PSME4: variants seen among roughly 807,000 people sequenced by gnomAD.
PSME4 encodes proteasome activator complex subunit 4.
Under a neutral mutation model 253.9 loss-of-function variants are expected in PSME4, and 89 were observed. The ratio of observed to expected loss-of-function variants is 0.35; its 90% CI spans 0.30 to 0.42. The LOEUF (loss-of-function observed/expected upper bound fraction) is 0.42, where lower values mean the gene tolerates loss of function less well. PSME4 is among the 10% of genes least tolerant of loss of function. PSME4 has a pLI of 1.00. For synonymous variants in PSME4, 851 were observed against 759.2 expected (o/e 1.12, Z -1.99); for missense variants, 2,014 against 2,195.2 (o/e 0.92, Z 1.65).
Position 53,925,995 on chromosome 2 carries a change from G to C in PSME4, c.1622C>G (p.Ala541Gly). The C allele has an allele frequency of 6.2e-7, 1 of 1,613,540 alleles. No individual in the cohort carries two copies. The highest frequency in any genetic ancestry group is 8.5e-7 in the Non-Finnish European group (1 of 1,179,466). ...CTGTAAGACGAAATCCTCAAATTCA[G>C]CTGTGGCTGAACAAAGTTCTCGTTC... The part of the protein sequence containing the change: ...EVERELCSAT[A>G]EFEDFVLQFM... Residue 541 changes from alanine to glycine, a missense_variant, in exon 13 of 47, where the codon GCT becomes GGT. Physicochemically the swap from Ala to Gly is moderately conservative, Grantham distance 60. Transcript: ENST00000404125.
At chr2:53,913,826 GA>G (rs1667940082) in intron 20 of PSME4, among the ~76,000 whole-genome samples, 3 of 152,156 alleles carry the variant, frequency 2.0e-5, no homozygotes. Context: ...AAAAATAAAT[GA>G]AAACAGTCAG....
intron 3 of PSME4, 82 bp downstream of exon 3, chr2:53,948,339 A>T: frequency 1.2e-6 from 1 of 836,118 alleles, no homozygotes; most frequent in Non-Finnish European, 2.0e-6. Flanking sequence ...TCTTTCAAAC[A>T]ACTCAATATT....
chr2:53,868,988 A>T (rs776363724), intron 44 of PSME4, among the ~76,000 whole-genome samples: 2 of 152,118 alleles, frequency 1.3e-5, no homozygotes, highest in African/African-American at 4.8e-5. Context: ...CCCCTCTCCA[A>T]ATAAAAAACA....
At chr2:53,946,667 G>T (rs956847779) in intron 3 of PSME4, among the ~76,000 whole-genome samples, 19 of 152,198 alleles carry the variant, frequency 1.2e-4, no homozygotes, top group African/African-American at 4.3e-4. Flanking sequence ...AGGCCAAGGC[G>T]GGAGGATCAC....
At chr2:53,915,697 T>C (rs892506637) in intron 20 of PSME4, among the ~76,000 whole-genome samples, 11 of 151,980 alleles carry the variant, frequency 7.2e-5, no homozygotes, top group African/African-American at 2.4e-4. Flanking sequence ...GCAATCTTAA[T>C]ACTAAGTAAT....
At chr2:53,874,560 G>T in intron 42 of PSME4, 66 bp from the exon 43 acceptor site, 1 of 1,389,620 alleles carries the variant, frequency 7.2e-7, no homozygotes, top group Non-Finnish European at 1.0e-6. Flanking sequence ...GACAGATAGT[G>T]ACATTACACA....
At position 53,920,043 on chromosome 2, in the gene PSME4, CA is replaced by C. The variant is rs199961689; in HGVS notation, c.2420+149del. The stretch of plus-strand genomic sequence containing the variant: ...AAATGTTGTTAAATTTTCTGTTATA[CA>C]ACATTATATTAAATGATTTTCTAAG... On this transcript the variant is annotated intron_variant, in intron 19 of 46. Coordinates refer to ENST00000404125, the MANE Select transcript of PSME4 (RefSeq NM_014614.3). The C allele has an allele frequency of 1.9e-3, 1,339 of 722,028 alleles. 14 individuals carry two copies. Among genetic ancestry groups the C allele is most frequent in the East Asian group, 3.3e-3 (116 of 35,098 alleles). 44.7% of individuals were successfully genotyped at this position (722,028 alleles called of 1,614,324 possible).
rs572912840 is a variant in PSME4, at chr2:53,873,113, G to A, written c.5100+1226C>T. 3.5e-3 allele frequency among the ~76,000 whole-genome samples: 534 copies of A among 151,850 alleles called. 1 individual carries two copies. The highest frequency in any genetic ancestry group is 6.8e-3 in the Middle Eastern group (2 of 294). ...AAATTAGCCAGGCATGGTGGCGGGC[G>A]CCTGTGGTCCCAGCTACTTGGGATG... On this transcript the variant is annotated intron_variant, in intron 43 of 46. Coordinates refer to ENST00000404125, the MANE Select transcript of PSME4 (RefSeq NM_014614.3).
At chr2:53,933,329 A>G (rs1668937755) in intron 8 of PSME4, among the ~76,000 whole-genome samples, 1 of 145,432 alleles carries the variant, frequency 6.9e-6, no homozygotes, top group Non-Finnish European at 1.5e-5. Context: ...AGTGAGCTGA[A>G]ATCACGCTAC....
intron 1 of PSME4, among the ~76,000 whole-genome samples, chr2:53,951,442 C>T (rs1472434819): frequency 6.6e-6 from 1 of 152,200 alleles, no homozygotes; most frequent in Non-Finnish European, 1.5e-5. Context: ...AGAAATTCTT[C>T]AAAATTCTTG....
intron 10 of PSME4, 46 bp from the exon 11 acceptor site, chr2:53,928,349 CATA>C: frequency 7.5e-7 from 1 of 1,337,888 alleles, no homozygotes; most frequent in Non-Finnish European, 1.0e-6. Flanking sequence ...CACAGATATG[CATA>C]ATACCATAAT....
At chr2:53,927,316 A>T in intron 12 of PSME4, 78 bp downstream of exon 12, 4 of 1,065,088 alleles carry the variant, frequency 3.8e-6, no homozygotes, top group Non-Finnish European at 5.7e-6. Flanking sequence ...AGTCGTTTCT[A>T]AACTGTCAAG....
chr2:53,965,947 C>A (rs1670713766), intron 1 of PSME4, among the ~76,000 whole-genome samples: 1 of 152,156 alleles, frequency 6.6e-6, no homozygotes, highest in South Asian at 2.1e-4. Flanking sequence ...ACTGGGATTA[C>A]AGGCGTGAGC....
intron 20 of PSME4, among the ~76,000 whole-genome samples, chr2:53,913,551 C>T (rs1275087414): frequency 1.3e-5 from 2 of 152,032 alleles, no homozygotes; most frequent in African/African-American, 4.8e-5. Flanking sequence ...TAAAAATAAA[C>T]ATAAAAGATG....
At chr2:53,914,215 T>C (rs1667955901) in intron 20 of PSME4, among the ~76,000 whole-genome samples, 2 of 152,298 alleles carry the variant, frequency 1.3e-5, no homozygotes, top group East Asian at 3.9e-4. Context: ...CATCCTGTGA[T>C]AGCTGGTTAG....
chr2:53,938,679 T>C lies in PSME4; in HGVS notation c.546-1139A>G, dbSNP rs188715611. Among the ~76,000 whole-genome samples the C allele has an allele frequency of 2.9e-3, 436 of 152,292 alleles. 1 individual carries two copies. Among genetic ancestry groups the C allele is most frequent in the Non-Finnish European group, 4.5e-3 (304 of 68,028 alleles). On this transcript the variant is annotated intron_variant, in intron 4 of 46. Transcript: ENST00000404125. ...TTTCCAAATAAGTTGGGAAACTCTT[T>C]CAAATAGACTTATAGGCTTGGCCCA...
At chr2:53,871,199 T>C (rs1233225084) in intron 43 of PSME4, among the ~76,000 whole-genome samples, 3 of 152,156 alleles carry the variant, frequency 2.0e-5, no homozygotes, top group Non-Finnish European at 4.4e-5. Flanking sequence ...TGCATTTTCC[T>C]GGTCATTGGG....
intron 1 of PSME4, among the ~76,000 whole-genome samples, chr2:53,955,025 G>A (rs1670168439): frequency 1.3e-5 from 2 of 151,614 alleles, no homozygotes; most frequent in African/African-American, 4.8e-5. Flanking sequence ...AAAAAAAATC[G>A]CCAGGTGTGA....
intron 20 of PSME4, among the ~76,000 whole-genome samples, chr2:53,918,094 T>C (rs1414367954): frequency 6.6e-6 from 1 of 152,190 alleles, no homozygotes; most frequent in Non-Finnish European, 1.5e-5. Flanking sequence ...GGGAAAGACA[T>C]GTAGCCACAT....
Sources: gnomAD v4.1 joint callset for allele counts (sites outside exome capture counted in the v4.1 genomes callset) on GRCh38, gnomAD v4.1.1 for gene constraint, MANE v1.5 for transcripts, NCBI Gene and HGNC (gene_info 2026-07-23, HGNC 2026-07-21) for gene names.